Variants in PRKCA observed in about 807,000 individuals in gnomAD.
PRKCA encodes the protein protein kinase C alpha, also known as protein kinase C alpha type.
PRKCA carries 27 observed loss-of-function variants against 87.0 expected under a neutral mutation model. The ratio of observed to expected loss-of-function variants is 0.31; its 90% confidence interval spans 0.23 to 0.43. PRKCA has a LOEUF of 0.43. PRKCA is among the 20% of genes least tolerant of loss of function. The pLI is 1.00. For missense variants in PRKCA, 518 were observed against 852.3 expected (o/e 0.61, Z 4.88); for synonymous variants, 329 against 311.1 (o/e 1.06, Z -0.61).
intron 5 of PRKCA, among the ~76,000 whole-genome samples, chr17:66,684,281 A>G (rs949088126): frequency 2.6e-5 from 4 of 152,332 alleles, no homozygotes; most frequent in Middle Eastern, 3.4e-3. Context: ...ATGAGCCTAC[A>G]TAATCCTTGC....
chr17:66,594,264 G>C (rs976452005), intron 3 of PRKCA, among the ~76,000 whole-genome samples: 1 of 152,120 alleles, frequency 6.6e-6, no homozygotes, highest in African/African-American at 2.4e-5. Context: ...ATCTGATCGC[G>C]TTGCCCAGTG....
chr17:66,497,054 T>C (rs886638584), intron 3 of PRKCA, among the ~76,000 whole-genome samples: 4 of 152,152 alleles, frequency 2.6e-5, no homozygotes, highest in African/African-American at 9.7e-5. Context: ...GCCTTTTCGG[T>C]GTATGTTAAA....
intron 13 of PRKCA, among the ~76,000 whole-genome samples, chr17:66,750,952 C>T (rs1031034104): frequency 6.6e-6 from 1 of 152,186 alleles, no homozygotes; most frequent in Non-Finnish European, 1.5e-5. Flanking sequence ...CATGTCACTC[C>T]ACATGTGCCA....
At chr17:66,800,271 C>T (rs1411371592) in intron 16 of PRKCA, among the ~76,000 whole-genome samples, 2 of 152,212 alleles carry the variant, frequency 1.3e-5, no homozygotes, top group East Asian at 3.8e-4. Context: ...GTGTTTCCAG[C>T]AGTGAGCAGT....
intron 12 of PRKCA, 108 bp from the exon 13 acceptor site, chr17:66,742,514 A>C: frequency 8.7e-7 from 1 of 1,152,012 alleles, no homozygotes; most frequent in Non-Finnish European, 1.3e-6. Context: ...TATAGTTAAT[A>C]TTGCCATTGA....
At chr17:66,435,672 T>A (rs1456834989) in intron 2 of PRKCA, among the ~76,000 whole-genome samples, 1 of 151,978 alleles carries the variant, frequency 6.6e-6, no homozygotes, top group Non-Finnish European at 1.5e-5. Flanking sequence ...AAAAGAAATG[T>A]GAAAAGATGT....
chr17:66,456,596 G>C (rs1914584410), intron 2 of PRKCA, among the ~76,000 whole-genome samples: 1 of 152,182 alleles, frequency 6.6e-6, no homozygotes, highest in South Asian at 2.1e-4. Context: ...CATCCCCTGT[G>C]CTGGCTTCCA....
At chr17:66,535,707 C>G (rs1967755251) in intron 3 of PRKCA, among the ~76,000 whole-genome samples, 1 of 152,180 alleles carries the variant, frequency 6.6e-6, no homozygotes, top group South Asian at 2.1e-4. Flanking sequence ...GGGATCTCCT[C>G]ACTACCTGGT....
chr17:66,732,957 C>T, intron 9 of PRKCA, 132 bp downstream of exon 9: 1 of 1,146,854 alleles, frequency 8.7e-7, no homozygotes, highest in Non-Finnish European at 1.2e-6. Flanking sequence ...CAAGACCATC[C>T]TGGCTAACAC....
chr17:66,397,620 C>CT (rs1036676248), intron 2 of PRKCA, among the ~76,000 whole-genome samples: 25 of 151,074 alleles, frequency 1.7e-4, no homozygotes, highest in African/African-American at 3.9e-4. Context: ...TGCCCTTTTT[C>CT]TTTTTTTTTC....
chr17:66,544,296 A>T (rs1968083201), intron 3 of PRKCA, among the ~76,000 whole-genome samples: 1 of 152,148 alleles, frequency 6.6e-6, no homozygotes, highest in African/African-American at 2.4e-5. Flanking sequence ...TCATGAACCC[A>T]ATGCTGTGAA....
At chr17:66,627,719 G>A (rs760777257) in intron 3 of PRKCA, among the ~76,000 whole-genome samples, 11 of 152,202 alleles carry the variant, frequency 7.2e-5, no homozygotes, top group Non-Finnish European at 1.2e-4. Context: ...CTACGTGTGA[G>A]TGTGTGAGTG....
intron 2 of PRKCA, among the ~76,000 whole-genome samples, chr17:66,462,152 A>G (rs145275606): frequency 8.4e-4 from 128 of 152,250 alleles, no homozygotes; most frequent in African/African-American, 3.0e-3. Flanking sequence ...AAATCCCTTC[A>G]TGGATGGAAG....
intron 3 of PRKCA, among the ~76,000 whole-genome samples, chr17:66,536,944 A>T (rs974692401): frequency 6.6e-6 from 1 of 152,100 alleles, no homozygotes; most frequent in Non-Finnish European, 1.5e-5. Context: ...GACCTGTAAA[A>T]TCCTCTCCAC....
chr17:66,738,781 CA>C lies in PRKCA; in HGVS notation c.1249del (p.Met417TrpfsTer16). On this transcript the variant is annotated frameshift_variant, in exon 11 of 17. Transcript: ENST00000413366. LOFTEE classifies it high-confidence loss of function. ...GTCTGCAGGATCGGCTGTACTTCGT[CA>C]TGGAATATGTCAACGGTGGGGACCT... is the stretch of plus-strand genomic sequence containing the variant. The part of the protein sequence containing the change: ...FQTVDRLYFV[M>X]EYVNGGDLMY... 6.2e-7 allele frequency: 1 copy of C among 1,613,692 alleles called. No individual in the cohort carries two copies.
intron 2 of PRKCA, among the ~76,000 whole-genome samples, chr17:66,326,452 G>A (rs1157566498): frequency 6.6e-6 from 1 of 152,158 alleles, no homozygotes; most frequent in Admixed American, 6.5e-5. Context: ...GTGTGGCTGA[G>A]CCTGGCAAAT....
At chr17:66,355,484 G>C (rs995929330) in intron 2 of PRKCA, among the ~76,000 whole-genome samples, 1 of 152,138 alleles carries the variant, frequency 6.6e-6, no homozygotes, top group Non-Finnish European at 1.5e-5. Context: ...GTCTAGTGGC[G>C]GGTGCATGGG....
chr17:66,511,060 A>ATTT lies in PRKCA; in HGVS notation c.288+14783_288+14785dup, dbSNP rs59846176. 4.5e-3 allele frequency among the ~76,000 whole-genome samples: 680 copies of ATTT among 151,948 alleles called. 7 individuals are homozygous for ATTT. Among genetic ancestry groups the ATTT allele is most frequent in the African/African-American group, 0.015 (620 of 41,326 alleles). ...ATAACTGCTTTACAATAGGTGAGGC[A>ATTT]TTTTTTTTCGTGTCATAAAACATGC... On this transcript the variant is annotated intron_variant, in intron 3 of 16. Coordinates refer to ENST00000413366, the MANE Select transcript of PRKCA (RefSeq NM_002737.3).
chr17:66,558,638 GATC>G (rs1311555444), intron 3 of PRKCA, among the ~76,000 whole-genome samples: 3 of 152,152 alleles, frequency 2.0e-5, no homozygotes, highest in Non-Finnish European at 2.9e-5. Flanking sequence ...CTAAGAGTGA[GATC>G]ATCATAAAGA....
Sources: gnomAD v4.1 joint callset for allele counts (sites outside exome capture counted in the v4.1 genomes callset) on GRCh38, gnomAD v4.1.1 for gene constraint, MANE v1.5 for transcripts, NCBI Gene and HGNC (gene_info 2026-07-23, HGNC 2026-07-21) for gene names.